CHODL: variants seen among roughly 807,000 people sequenced by gnomAD.
CHODL encodes transmembrane protein MT75.
In CHODL, 29 loss-of-function variants were observed where a neutral mutation model predicts 34.5. The observed-to-expected ratio is 0.84, with a 90% CI of 0.63 to 1.15. The LOEUF is 1.15. Ranked by LOEUF, CHODL falls within the 50% of genes most tolerant of loss-of-function variation. The probability of loss-of-function intolerance (pLI) is 0.00; values close to 1 mark genes in which losing one functional copy is unlikely to be tolerated. For missense variants in CHODL, 332 were observed against 332.5 expected (o/e 1.00, Z 0.01); for synonymous variants, 125 against 116.1 (o/e 1.08, Z -0.49).
intron 2 of CHODL, among the ~76,000 whole-genome samples, chr21:18,140,161 C>A (rs59919957): frequency 0.031 from 4,746 of 152,172 alleles, 243 homozygotes; most frequent in African/African-American, 0.11. Flanking sequence ...CCCTGAGCTG[C>A]GAATAAATGG....
At chr21:18,206,144 G>A (rs59956382) in intron 2 of CHODL, among the ~76,000 whole-genome samples, 4,620 of 152,138 alleles carry the variant, frequency 0.03, 236 homozygotes, top group African/African-American at 0.11. Context: ...ATATCTGATT[G>A]GTCTATTTTG....
intron 2 of CHODL, among the ~76,000 whole-genome samples, chr21:18,158,845 AAAAAAAAAAAG>A (rs2073063825): frequency 6.6e-6 from 1 of 151,434 alleles, no homozygotes; most frequent in Non-Finnish European, 1.5e-5. Flanking sequence ...TCTTAAAAAA[AAAAAAAAAAAG>A]AAGAAGAAAA....
chr21:18,108,837 TTGTGTGTGTG>T (rs68066729), intron 2 of CHODL, among the ~76,000 whole-genome samples: 6,986 of 146,246 alleles, frequency 0.048, 318 homozygotes, highest in African/African-American at 0.11. Context: ...CTTTGCAATG[TTGTGTGTGTG>T]TGTGTGTGTG....
At chr21:18,168,206 T>A (rs1304264306) in intron 2 of CHODL, among the ~76,000 whole-genome samples, 1 of 152,214 alleles carries the variant, frequency 6.6e-6, no homozygotes, top group Non-Finnish European at 1.5e-5. Context: ...ATTGGCTTCC[T>A]TGCTCCTCAG....
chr21:18,206,276 A>G (rs1381712710), intron 2 of CHODL, among the ~76,000 whole-genome samples: 1 of 152,146 alleles, frequency 6.6e-6, no homozygotes, highest in Non-Finnish European at 1.5e-5. Context: ...GATCTCTCTC[A>G]TTAGCTTTAA....
At chr21:18,098,205 C>G (rs1601000122) in intron 2 of CHODL, among the ~76,000 whole-genome samples, 1 of 151,824 alleles carries the variant, frequency 6.6e-6, no homozygotes, top group African/African-American at 2.4e-5. Context: ...CAAAAAGGAA[C>G]AAATGGGATC....
intron 2 of CHODL, among the ~76,000 whole-genome samples, chr21:18,183,966 TA>T (rs915055142): frequency 1.2e-4 from 19 of 152,044 alleles, no homozygotes; most frequent in African/African-American, 4.6e-4. Flanking sequence ...TTTCTTTTTT[TA>T]AAAAAACCTC....
intron 1 of CHODL, among the ~76,000 whole-genome samples, chr21:18,253,640 T>A (rs2074283390): frequency 6.6e-6 from 1 of 152,102 alleles, no homozygotes; most frequent in Non-Finnish European, 1.5e-5. Flanking sequence ...TAGGAGAAAT[T>A]TTAAAATAAT....
At chr21:17,995,110 G>A (rs932995478) in intron 1 of CHODL, among the ~76,000 whole-genome samples, 1 of 152,100 alleles carries the variant, frequency 6.6e-6, no homozygotes, top group East Asian at 1.9e-4. Flanking sequence ...TAGCCACAGA[G>A]GGATGTCACC....
rs147670215 is a variant in CHODL, at chr21:18,015,549, A to C, written c.-144-12323A>C. On this transcript the variant is annotated intron_variant, in intron 1 of 6. Coordinates refer to the CHODL transcript ENST00000400127. ...GGGGCATTGCTATAAAGATCCCTGA[A>C]AATGGGGAAGTGACCTTGGAATTGG... 3.1e-3 allele frequency among the ~76,000 whole-genome samples: 476 copies of C among 152,306 alleles called. 1 individual carries two copies. The highest frequency in any genetic ancestry group is 0.011 in the African/African-American group (441 of 41,570).
chr21:18,014,564 G>A (rs551663023), intron 1 of CHODL, among the ~76,000 whole-genome samples: 1 of 152,270 alleles, frequency 6.6e-6, no homozygotes, highest in African/African-American at 2.4e-5. Context: ...GTGGGGCCTG[G>A]TGGAGGTCTT....
At chr21:18,174,871 G>A (rs968237924) in intron 2 of CHODL, among the ~76,000 whole-genome samples, 2 of 152,172 alleles carry the variant, frequency 1.3e-5, no homozygotes, top group African/African-American at 4.8e-5. Flanking sequence ...AGGCATTTTA[G>A]CAAATTCTTA....
chr21:18,122,592 G>A (rs1008737854), intron 2 of CHODL, among the ~76,000 whole-genome samples: 1 of 152,026 alleles, frequency 6.6e-6, no homozygotes, highest in Non-Finnish European at 1.5e-5. Context: ...ATGCCAGAGA[G>A]CCCTACCACA....
intron 2 of CHODL, among the ~76,000 whole-genome samples, chr21:18,191,539 C>G (rs1336617183): frequency 6.6e-6 from 1 of 152,158 alleles, no homozygotes; most frequent in Non-Finnish European, 1.5e-5. Context: ...TTGTCTTTCT[C>G]TGATGATTAA....
At chr21:18,163,746 T>C (rs900886218) in intron 2 of CHODL, among the ~76,000 whole-genome samples, 8 of 152,166 alleles carry the variant, frequency 5.3e-5, no homozygotes, top group African/African-American at 1.9e-4. Context: ...TTATATTTCA[T>C]TGATAATCTG....
intron 2 of CHODL, among the ~76,000 whole-genome samples, chr21:18,108,310 T>C (rs1156569101): frequency 6.6e-6 from 1 of 152,158 alleles, no homozygotes; most frequent in Non-Finnish European, 1.5e-5. Flanking sequence ...GGATCTCCCA[T>C]GAATAGATGG....
At chr21:18,237,325 G>A (rs182743011) in intron 2 of CHODL, among the ~76,000 whole-genome samples, 96 of 152,128 alleles carry the variant, frequency 6.3e-4, no homozygotes, top group African/African-American at 1.8e-3. Flanking sequence ...AAGAAATTAC[G>A]TATAGCGAAA....
intron 1 of CHODL, among the ~76,000 whole-genome samples, chr21:18,247,792 G>A (rs1046029496): frequency 3.9e-5 from 6 of 152,032 alleles, no homozygotes; most frequent in African/African-American, 9.7e-5. Context: ...ACTACACACA[G>A]ATGTGTAGAG....
At chr21:17,991,904 A>G (rs560206479) in intron 1 of CHODL, among the ~76,000 whole-genome samples, 1 of 152,126 alleles carries the variant, frequency 6.6e-6, no homozygotes, top group Admixed American at 6.5e-5. Flanking sequence ...TGCCTTAATC[A>G]ATGTCATGAT....
Sources: allele counts gnomAD v4.1 joint callset (sites outside exome capture counted in the v4.1 genomes callset), GRCh38; gene constraint gnomAD v4.1.1; transcripts MANE v1.5; gene names NCBI Gene and HGNC (gene_info 2026-07-23, HGNC 2026-07-21).